Variants in SCN1A observed in about 807,000 individuals in gnomAD.
SCN1A encodes sodium channel protein type 1 subunit alpha.
In SCN1A, 13 loss-of-function variants were observed where a neutral mutation model predicts 193.7. That is an observed-to-expected ratio of 0.07 (90% confidence interval 0.04 to 0.11). SCN1A has a LOEUF of 0.11. SCN1A is among the 10% of genes least tolerant of loss of function. SCN1A has a pLI of 1.00. For missense variants in SCN1A, 1,432 were observed against 2,451.1 expected (o/e 0.58, Z 8.78); for synonymous variants, 781 against 843.6 (o/e 0.93, Z 1.29).
chr2:166,005,906 C>A (rs1691588165), intron 23 of SCN1A, among the ~76,000 whole-genome samples: 1 of 151,204 alleles, frequency 6.6e-6, no homozygotes, highest in Admixed American at 6.6e-5. Context: ...GAGGTTGTTT[C>A]TTCTCAGAAG....
chr2:166,090,310 C>T (rs1686659964), intron 2 of SCN1A, among the ~76,000 whole-genome samples: 1 of 152,008 alleles, frequency 6.6e-6, no homozygotes. Flanking sequence ...GGATGACAGG[C>T]ATGAGCCATT....
At chr2:166,109,099 A>G (rs1689015290) in intron 2 of SCN1A, among the ~76,000 whole-genome samples, 1 of 152,184 alleles carries the variant, frequency 6.6e-6, no homozygotes, top group African/African-American at 2.4e-5. Context: ...TTTGATTAAT[A>G]AATACATCTT....
At chr2:166,072,220 C>G (rs1684501982) in intron 4 of SCN1A, among the ~76,000 whole-genome samples, 1 of 151,904 alleles carries the variant, frequency 6.6e-6, no homozygotes, top group Non-Finnish European at 1.5e-5. Flanking sequence ...CACTAAGATT[C>G]ACAAATGCAT....
chr2:166,138,453 A>G (rs760163970), intron 1 of SCN1A, among the ~76,000 whole-genome samples: 1 of 152,316 alleles, frequency 6.6e-6, no homozygotes, highest in Non-Finnish European at 1.5e-5. Context: ...CATTCCAGCT[A>G]TGGCTGAAAG....
At chr2:166,109,606 A>T (rs1689081627) in intron 2 of SCN1A, 1 of 152,182 alleles carries the variant, frequency 6.6e-6, no homozygotes, top group South Asian at 2.1e-4. Flanking sequence ...CATTTTGGTA[A>T]TTCTTGCAAT....
intron 4 of SCN1A, among the ~76,000 whole-genome samples, chr2:166,066,536 G>T (rs182225011): frequency 6.6e-6 from 1 of 152,082 alleles, no homozygotes; most frequent in Non-Finnish European, 1.5e-5. Flanking sequence ...TTTAAAATGC[G>T]TCTCTGTATT....
chr2:166,147,570 C>A, intron 1 of SCN1A, among the ~76,000 whole-genome samples: 1 of 151,974 alleles, frequency 6.6e-6, no homozygotes. Context: ...AGTATGTATC[C>A]ATCATTTTTT....
intron 19 of SCN1A, among the ~76,000 whole-genome samples, chr2:166,020,324 A>T (rs1485511182): frequency 6.6e-6 from 1 of 152,144 alleles, no homozygotes; most frequent in African/African-American, 2.4e-5. Flanking sequence ...CTTTACAGGG[A>T]CTACTTTGGG....
intron 27 of SCN1A, among the ~76,000 whole-genome samples, chr2:165,995,753 A>T (rs1689943673): frequency 6.6e-6 from 1 of 151,686 alleles, no homozygotes. Flanking sequence ...CCATTGGCCA[A>T]TTAATATGGA....
upstream of SCN1A, among the ~76,000 whole-genome samples, chr2:166,132,097 G>T (rs1009064018): frequency 2.0e-5 from 3 of 152,180 alleles, no homozygotes; most frequent in Admixed American, 6.5e-5. Flanking sequence ...CCTTGAGGTG[G>T]TATCCCAAAG....
At position 165,994,177 on chromosome 2, in the gene SCN1A, A is replaced by G. The variant is rs1241198360; in HGVS notation, c.4821T>C (p.Phe1607=). The G allele has an allele frequency of 6.2e-7, 1 of 1,611,964 alleles. No individual in the cohort carries two copies. Among genetic ancestry groups the G allele is most frequent in the Admixed American group, 1.7e-5 (1 of 59,798 alleles). ...HYYFTIGWNI[F]DFVVVILSIV... ...TGGAGAGAATGACAACCACAAAATC[A>G]AAAATATTCCATCCAATGGTAAAAT... The change falls in exon 28 of 29, where the codon TTT becomes TTC. Residue 1607 remains phenylalanine (F), a synonymous_variant. Coordinates refer to ENST00000674923, the MANE Select transcript of SCN1A (RefSeq NM_001165963.4).
chr2:166,042,031 C>T (rs1036938509), intron 15 of SCN1A, among the ~76,000 whole-genome samples: 2 of 152,060 alleles, frequency 1.3e-5, no homozygotes, highest in African/African-American at 4.8e-5. Context: ...ATTAGAAACC[C>T]CTAACAGAAA....
At chr2:166,060,544 T>C (rs1683190210) in intron 4 of SCN1A, 2 of 152,026 alleles carry the variant, frequency 1.3e-5, no homozygotes, top group South Asian at 2.1e-4. Context: ...ATATGCTGAG[T>C]AAAATCTGAA....
intron 2 of SCN1A, among the ~76,000 whole-genome samples, chr2:166,125,514 C>T (rs539192497): frequency 6.6e-6 from 1 of 152,288 alleles, no homozygotes; most frequent in East Asian, 1.9e-4. Flanking sequence ...AAGCAAGCCC[C>T]AGATTTTCTC....
rs570652349 is a variant in SCN1A, at chr2:166,040,103, A to G, written c.2416-507T>C. On this transcript the variant is annotated intron_variant, in intron 16 of 28. Transcript: ENST00000674923. ...CCGCCTAATTTTTTGTATTTTTAGTAGAGACGGGGTTTCACCATGTTAGGC... is the reference window on the plus strand; with the variant it reads ...CCGCCTAATTTTTTGTATTTTTAGTGGAGACGGGGTTTCACCATGTTAGGC... 1.6e-4 allele frequency among the ~76,000 whole-genome samples: 25 copies of G among 152,076 alleles called. No individual in the cohort carries two copies. The East Asian group carries it at 3.9e-3, about 24-fold the overall frequency.
In SCN1A at chr2:166,042,342, T is replaced by A; in HGVS notation, c.2126A>T (p.Gln709Leu). 6.2e-7 allele frequency: 1 copy of A among 1,613,958 alleles called. No homozygotes were observed. The highest frequency in any genetic ancestry group is 8.5e-7 in the Non-Finnish European group (1 of 1,179,882). Residue 709 changes from glutamine to leucine, a missense_variant, in exon 15 of 29, where the codon CAA (glutamine) becomes CTA (leucine). Physicochemically the swap from Gln to Leu is moderately radical, Grantham distance 113. Around this residue, in one of 18 missense-constraint regions of SCN1A, gnomAD observed 316 missense variants for 362.1 expected, o/e 0.87. Transcript: ENST00000674923. Reference sequence around the variant, plus strand: ...GGCTATACTCATTGCTCGTTGCCTTTGGGAAGGATCTTCTAGAAAGTCCAT... The same window carrying A: ...GGCTATACTCATTGCTCGTTGCCTTAGGGAAGGATCTTCTAGAAAGTCCAT... ...VSMDFLEDPS[Q>L]RQRAMSIASI...
intron 8 of SCN1A, 102 bp downstream of exon 8, chr2:166,052,750 C>G: frequency 1.0e-6 from 1 of 958,090 alleles, no homozygotes; most frequent in Non-Finnish European, 1.7e-6. Context: ...CTTTGAAACA[C>G]CTAGTCTTAT....
At position 166,002,649 on chromosome 2, in the gene SCN1A, A is replaced by C. The variant is rs2105509616; in HGVS notation, c.4107T>G (p.Phe1369Leu). 1 of 1,612,038 alleles carries C rather than the reference A, an allele frequency of 6.2e-7. No individual in the cohort carries two copies. Among genetic ancestry groups the C allele is most frequent in the Non-Finnish European group, 8.5e-7 (1 of 1,178,778 alleles). The change falls in exon 24 of 29, where the codon TTT (phenylalanine) becomes TTG (leucine). Residue 1369 changes from phenylalanine to leucine, a missense_variant. Transcript: ENST00000674923. ...TAATACAGTGGTAGAATTTGCCAGC[A>C]AACAAATTTACGCCCATGATGCTGA... ...LIFSIMGVNL[F>L]AGKFYHCINT...
At chr2:166,119,762 C>T (rs1275132719) in intron 2 of SCN1A, among the ~76,000 whole-genome samples, 2 of 151,874 alleles carry the variant, frequency 1.3e-5, no homozygotes, top group Non-Finnish European at 2.9e-5. Flanking sequence ...TATTAATATT[C>T]CAAAAGACAA....
Sources: gnomAD v4.1 joint callset for allele counts (sites outside exome capture counted in the v4.1 genomes callset) on GRCh38, gnomAD v4.1.1 for gene constraint, gnomAD v4.1.1 regional missense constraint, MANE v1.5 for transcripts, NCBI Gene and HGNC (gene_info 2026-07-23, HGNC 2026-07-21) for gene names.